Variants in MED13L observed in about 807,000 individuals in gnomAD.
MED13L encodes mediator of RNA polymerase II transcription subunit 13-like.
Under a neutral mutation model 220.9 loss-of-function variants are expected in MED13L, and 7 were observed. The observed-to-expected ratio is 0.03, with a 90% CI of 0.02 to 0.06. The LOEUF is 0.06. MED13L is among the 10% of genes least tolerant of loss of function. The pLI is 1.00. For synonymous variants in MED13L, 1,011 were observed against 1,015.2 expected (o/e 1.00, Z 0.08); for missense variants, 1,965 against 2,760.5 (o/e 0.71, Z 6.46).
chr12:116,204,940 A>C lies in MED13L; in HGVS notation c.310+32528T>G, dbSNP rs181351858. Among the ~76,000 whole-genome samples the C allele has an allele frequency of 3.9e-3, 597 of 152,344 alleles. 1 individual carries two copies. Among genetic ancestry groups the C allele is most frequent in the Non-Finnish European group, 7.3e-3 (495 of 68,024 alleles). Reference sequence around the variant, plus strand: ...CGCTGCCAAGAAAAAGCAGCAGTGTAGTGTCAGTGGTGATCACAGCTGGGA... The same window carrying C: ...CGCTGCCAAGAAAAAGCAGCAGTGTCGTGTCAGTGGTGATCACAGCTGGGA... On this transcript the variant is annotated intron_variant, in intron 2 of 30. Coordinates refer to ENST00000281928, the MANE Select transcript of MED13L (RefSeq NM_015335.5).
intron 2 of MED13L, among the ~76,000 whole-genome samples, chr12:116,118,478 T>G (rs573928592): frequency 6.6e-6 from 1 of 152,282 alleles, no homozygotes; most frequent in South Asian, 2.1e-4. Flanking sequence ...CAATTTATCA[T>G]AAAAAATTAT....
At chr12:116,144,278 G>A (rs1202597758) in intron 2 of MED13L, among the ~76,000 whole-genome samples, 6 of 152,178 alleles carry the variant, frequency 3.9e-5, no homozygotes, top group Admixed American at 3.9e-4. Context: ...AATTTTGGAT[G>A]AGAAGTAAGG....
chr12:116,074,116 C>T (rs118048144), intron 4 of MED13L, among the ~76,000 whole-genome samples: 2,635 of 152,230 alleles, frequency 0.017, 102 homozygotes, highest in South Asian at 0.15. Context: ...GAAGTCTGGC[C>T]GGGCATGGTG....
chr12:116,206,989 T>C (rs1477740425), intron 2 of MED13L, among the ~76,000 whole-genome samples: 2 of 152,166 alleles, frequency 1.3e-5, no homozygotes, highest in Non-Finnish European at 2.9e-5. Context: ...TGAGTGACTT[T>C]AAAGCATAGT....
chr12:116,016,637 GA>G (rs1879742403), intron 7 of MED13L, among the ~76,000 whole-genome samples: 1 of 152,164 alleles, frequency 6.6e-6, no homozygotes, highest in Non-Finnish European at 1.5e-5. Context: ...AGAGTAGGGA[GA>G]AACAAGCCAT....
chr12:116,087,413 C>T (rs1471527431), intron 4 of MED13L, among the ~76,000 whole-genome samples: 3 of 152,048 alleles, frequency 2.0e-5, no homozygotes, highest in African/African-American at 4.8e-5. Context: ...AAATATGAAA[C>T]TGTATTCTTA....
chr12:116,118,923 A>G (rs902803218), intron 2 of MED13L, among the ~76,000 whole-genome samples: 2 of 152,220 alleles, frequency 1.3e-5, no homozygotes, highest in Non-Finnish European at 2.9e-5. Context: ...TAAATTAACA[A>G]TTAAATAACA....
chr12:116,114,878 T>G (rs1202885902), intron 2 of MED13L, among the ~76,000 whole-genome samples: 3 of 152,136 alleles, frequency 2.0e-5, no homozygotes, highest in Admixed American at 6.5e-5. Flanking sequence ...CATAAAATCC[T>G]TGGGTATAAA....
Position 116,154,316 on chromosome 12 carries a change from T to G in MED13L, c.311-42804A>C, listed in dbSNP as rs185627865. 3.9e-5 allele frequency among the ~76,000 whole-genome samples: 6 copies of G among 152,308 alleles called. No homozygotes were observed. The East Asian group carries it at 1.2e-3, about 29-fold the overall frequency. ...ACTGAACAACACTGCTTCTCTTGAA[T>G]GGATCCTCACTCACACCTGCAATAA... On this transcript the variant is annotated intron_variant, in intron 2 of 30. Transcript: ENST00000281928.
chr12:116,019,050 T>C (rs1406525228), intron 7 of MED13L, among the ~76,000 whole-genome samples, 174 bp downstream of exon 7: 1 of 152,210 alleles, frequency 6.6e-6, no homozygotes, highest in Non-Finnish European at 1.5e-5. Context: ...TTCTGAAGTG[T>C]ATGAATTCTG....
chr12:116,240,780 G>A (rs746217261), intron 1 of MED13L, among the ~76,000 whole-genome samples: 46 of 151,026 alleles, frequency 3.0e-4, no homozygotes, highest in Non-Finnish European at 5.3e-4. Context: ...GCCCACCTCC[G>A]CCTCCCAAAG....
intron 4 of MED13L, among the ~76,000 whole-genome samples, chr12:116,050,264 C>A (rs1868377155): frequency 6.6e-6 from 1 of 152,144 alleles, no homozygotes; most frequent in Non-Finnish European, 1.5e-5. Context: ...CAAGTATATA[C>A]ATTTAGAAAA....
chr12:116,093,275 T>C (rs760567531), intron 4 of MED13L, among the ~76,000 whole-genome samples: 4 of 152,166 alleles, frequency 2.6e-5, no homozygotes, highest in African/African-American at 9.6e-5. Flanking sequence ...AAACCCAAAG[T>C]TGTATTTTCT....
intron 2 of MED13L, among the ~76,000 whole-genome samples, chr12:116,200,340 GCCACC>G (rs1881933357): frequency 6.6e-6 from 1 of 151,840 alleles, no homozygotes; most frequent in East Asian, 1.9e-4. Context: ...GTGTACTATA[GCCACC>G]TTTCTCATCA....
At chr12:116,000,038 G>C (rs529832715) in intron 14 of MED13L, among the ~76,000 whole-genome samples, 2 of 152,318 alleles carry the variant, frequency 1.3e-5, no homozygotes, top group East Asian at 3.9e-4. Flanking sequence ...GATAATGTAT[G>C]CTCAGAAGTG....
chr12:115,976,947 G>A (rs749630073), intron 23 of MED13L, among the ~76,000 whole-genome samples: 53 of 152,218 alleles, frequency 3.5e-4, no homozygotes, highest in Non-Finnish European at 5.6e-4. Flanking sequence ...GATCACTGGA[G>A]CCCAGGAGTT....
chr12:115,969,397 A>G (rs1288144000), intron 27 of MED13L, among the ~76,000 whole-genome samples: 1 of 152,248 alleles, frequency 6.6e-6, no homozygotes, highest in Non-Finnish European at 1.5e-5. Flanking sequence ...GTATGGTAAA[A>G]GAGCTAAAGC....
At position 116,008,860 on chromosome 12, in the gene MED13L, T is replaced by C; in HGVS notation, c.1553A>G (p.Glu518Gly). 2.5e-6 allele frequency: 4 copies of C among 1,614,106 alleles called. No individual in the cohort carries two copies. The highest frequency in any genetic ancestry group is 3.4e-6 in the Non-Finnish European group (4 of 1,179,994). The change falls in exon 10 of 31, where the codon GAG becomes GGG. Residue 518 changes from glutamate (E) to glycine (G), a missense_variant. By Grantham distance (98) the Glu-to-Gly change is moderately conservative. Coordinates refer to ENST00000281928, the MANE Select transcript of MED13L (RefSeq NM_015335.5). ...LGLAGIDSSL[E>G]VSSSRKYDKQ... ...ATCATATTTCCTACTGCTAGACACCTCTAAGGAGGAGTCTATCCCTGCCAA... is the reference window on the plus strand; with the variant it reads ...ATCATATTTCCTACTGCTAGACACCCCTAAGGAGGAGTCTATCCCTGCCAA...
At chr12:116,268,910 T>C (rs1873039490) in intron 1 of MED13L, among the ~76,000 whole-genome samples, 1 of 152,214 alleles carries the variant, frequency 6.6e-6, no homozygotes, top group African/African-American at 2.4e-5. Flanking sequence ...GACTTAAATA[T>C]TTTCCTGCTT....
Sources: gnomAD v4.1 joint callset for allele counts (sites outside exome capture counted in the v4.1 genomes callset) on GRCh38, gnomAD v4.1.1 for gene constraint, MANE v1.5 for transcripts, NCBI Gene and HGNC (gene_info 2026-07-23, HGNC 2026-07-21) for gene names.